The following KREMEN1 variants were observed in gnomAD, a reference collection of about 807,000 sequenced individuals.
KREMEN1 encodes kringle containing transmembrane protein 1.
Under a neutral mutation model 46.5 loss-of-function variants are expected in KREMEN1, and 30 were observed. The observed-to-expected ratio is 0.65, with a 90% confidence interval of 0.48 to 0.88. The LOEUF is 0.88. KREMEN1 is among the 40% of genes least tolerant of loss of function. The probability of loss-of-function intolerance (pLI) is 0.00; values close to 1 mark genes in which losing one functional copy is unlikely to be tolerated. For missense variants in KREMEN1, 533 were observed against 596.9 expected (o/e 0.89, Z 1.11); for synonymous variants, 214 against 230.6 (o/e 0.93, Z 0.65).
Position 29,143,934 on chromosome 22 carries a change from C to G in KREMEN1, c.*1822C>G. On this transcript the variant is annotated 3_prime_UTR_variant, in exon 9 of 9. Coordinates refer to ENST00000400335, the MANE Select transcript of KREMEN1 (RefSeq NM_001039570.3). ...AGGGTGGGTTTGGGAATTGGAGCTCCTCCAAGGAGCTCCTCCTAAGATTGA... is the reference window on the plus strand; with the variant it reads ...AGGGTGGGTTTGGGAATTGGAGCTCGTCCAAGGAGCTCCTCCTAAGATTGA... 1 of 985,352 alleles carries G rather than the reference C, an allele frequency of 1.0e-6. No homozygotes were observed. Among genetic ancestry groups the G allele is most frequent in the Non-Finnish European group, 1.2e-6 (1 of 829,872 alleles). The allele number at this position is 985,352 out of a possible 1,614,324, so 61.0% of individuals were successfully genotyped here.
chr22:29,146,065 GTCT>G lies in KREMEN1; in HGVS notation c.*3954_*3956del, dbSNP rs1194352224. 38 of 985,778 alleles carry G rather than the reference GTCT, an allele frequency of 3.9e-5. No homozygotes were observed. Among genetic ancestry groups the G allele is most frequent in the Non-Finnish European group, 4.5e-5 (37 of 830,034 alleles). 61.1% of individuals were successfully genotyped at this position (985,778 alleles called of 1,614,324 possible). A position where few individuals can be genotyped will look rare whatever the true frequency, so the allele number is the denominator to read the frequency against. Reference sequence around the variant, plus strand: ...TGGCCTCCGAGACCCTGCCTCCCTGGTCTGCTGAGGTCAGGCCAGGTCTCCCAC... The same window carrying G: ...TGGCCTCCGAGACCCTGCCTCCCTGGGCTGAGGTCAGGCCAGGTCTCCCAC... On this transcript the variant is annotated 3_prime_UTR_variant, in exon 9 of 9. Transcript: ENST00000400335.
At position 29,115,278 on chromosome 22, in the gene KREMEN1, CAG is replaced by C. The variant is rs146252464; in HGVS notation, c.353-6078_353-6077del. 8.7e-3 allele frequency among the ~76,000 whole-genome samples: 1,320 copies of C among 152,214 alleles called. 14 individuals carry two copies. Among genetic ancestry groups the C allele is most frequent in the African/African-American group, 0.03 (1,257 of 41,524 alleles). ...AATGACACAGTGGACTTTGAGGACTCAGGGGGAAAAGGTGGGAACGGGGTGAG... is the reference window on the plus strand; with the variant it reads ...AATGACACAGTGGACTTTGAGGACTCGGGGAAAAGGTGGGAACGGGGTGAG... On this transcript the variant is annotated intron_variant, in intron 3 of 8. Coordinates refer to ENST00000400335, the MANE Select transcript of KREMEN1 (RefSeq NM_001039570.3).
chr22:29,165,105 G>A (rs901674098), intron 9 of KREMEN1, among the ~76,000 whole-genome samples: 2 of 151,580 alleles, frequency 1.3e-5, no homozygotes, highest in African/African-American at 2.4e-5. Context: ...CCTGGGAGGT[G>A]GAGGTTGCTG....
rs1445663456 is a variant in KREMEN1, at chr22:29,137,504, A to G, written c.794A>G (p.Asp265Gly). 1 of 1,610,756 alleles carries G rather than the reference A, an allele frequency of 6.2e-7. No individual in the cohort carries two copies. The highest frequency in any genetic ancestry group is 2.2e-5 in the East Asian group (1 of 44,720). ...AGCTTCCCCCTATTTGACATCAGGG[A>G]CTCGGCGGACATGGTGGAGCTTCTG... is the stretch of plus-strand genomic sequence containing the variant. ...HFSFPLFDIRDSADMVELLDG... is the reference protein window; with the variant it reads ...HFSFPLFDIRGSADMVELLDG... Residue 265 changes from aspartate (D) to glycine (G), a missense_variant, in exon 6 of 9, where the codon GAC (aspartate) becomes GGC (glycine). By Grantham distance (94) the Asp-to-Gly change is moderately conservative. Transcript: ENST00000400335.
At chr22:29,147,726 G>A (rs2038883172), downstream of KREMEN1, among the ~76,000 whole-genome samples, 1 of 152,224 alleles carries the variant, frequency 6.6e-6, no homozygotes, top group Non-Finnish European at 1.5e-5. Flanking sequence ...CCAGCCAGGA[G>A]ATGCTGAGGG....
chr22:29,163,540 C>T (rs1195605884), intron 9 of KREMEN1, among the ~76,000 whole-genome samples: 5 of 152,030 alleles, frequency 3.3e-5, no homozygotes, highest in Non-Finnish European at 7.4e-5. Flanking sequence ...CCACGCCCAG[C>T]TAATTTTTGT....
chr22:29,083,205 G>A (rs134623), intron 1 of KREMEN1, among the ~76,000 whole-genome samples: 97,332 of 152,120 alleles, frequency 0.64, 31,347 homozygotes, highest in Middle Eastern at 0.78. Context: ...ATTTATTTGT[G>A]CTCACATATT....
intron 5 of KREMEN1, among the ~76,000 whole-genome samples, chr22:29,136,240 T>A (rs2038654261): frequency 6.7e-6 from 1 of 149,442 alleles, no homozygotes; most frequent in African/African-American, 2.4e-5. Flanking sequence ...GTTTTCTACA[T>A]CCTAAAGGGA....
chr22:29,118,635 A>G, intron 3 of KREMEN1, among the ~76,000 whole-genome samples: 1 of 152,088 alleles, frequency 6.6e-6, no homozygotes, highest in Non-Finnish European at 1.5e-5. Flanking sequence ...CAGTGATTCC[A>G]TCATGGGGGC....
chr22:29,133,412 T>A lies in KREMEN1; in HGVS notation c.632-3930T>A, dbSNP rs187373490. On this transcript the variant is annotated intron_variant, in intron 5 of 8. Transcript: ENST00000400335. The stretch of plus-strand genomic sequence containing the variant: ...CCCCCCTGGGCTCAAGCAATCCTCC[T>A]GCCTTAGCCTCCTGAGTAGCTGGGA... Among the ~76,000 whole-genome samples the A allele has an allele frequency of 3.8e-3, 582 of 152,140 alleles. 5 individuals are homozygous for A. Among genetic ancestry groups the A allele is most frequent in the African/African-American group, 0.013 (521 of 41,528 alleles).
intron 1 of KREMEN1, among the ~76,000 whole-genome samples, chr22:29,084,318 A>G (rs1471340055): frequency 1.5e-5 from 1 of 68,454 alleles, no homozygotes; most frequent in Admixed American, 1.1e-4. Context: ...TGTGACTAAG[A>G]ATGCCTAAAC....
chr22:29,119,082 T>C (rs1326913210), intron 3 of KREMEN1, among the ~76,000 whole-genome samples: 1 of 152,162 alleles, frequency 6.6e-6, no homozygotes, highest in Non-Finnish European at 1.5e-5. Context: ...GCATGGTGGC[T>C]CACACCTGTA....
chr22:29,082,454 T>C (rs1431379739), intron 1 of KREMEN1, among the ~76,000 whole-genome samples: 1 of 152,222 alleles, frequency 6.6e-6, no homozygotes, highest in Non-Finnish European at 1.5e-5. Flanking sequence ...ACATGAACTT[T>C]CCTAGAACTT....
chr22:29,155,883 C>T (rs894173901), intron 9 of KREMEN1, among the ~76,000 whole-genome samples: 4 of 151,690 alleles, frequency 2.6e-5, no homozygotes, highest in Non-Finnish European at 5.9e-5. Context: ...CACTTGAACC[C>T]AGGAAGCAGA....
chr22:29,123,518 G>A (rs181642571), intron 4 of KREMEN1, among the ~76,000 whole-genome samples: 179 of 152,308 alleles, frequency 1.2e-3, no homozygotes, highest in Non-Finnish European at 2.0e-3. Context: ...TCATCTGGGC[G>A]TGGTGGCTCA....
intron 3 of KREMEN1, among the ~76,000 whole-genome samples, chr22:29,119,677 G>A (rs913181508): frequency 7.9e-5 from 12 of 152,328 alleles, no homozygotes; most frequent in Admixed American, 7.8e-4. Context: ...ATCTTTGAAA[G>A]CTGTCTACCA....
At chr22:29,141,390 G>C (rs536287119) in intron 8 of KREMEN1, among the ~76,000 whole-genome samples, 3 of 152,214 alleles carry the variant, frequency 2.0e-5, no homozygotes, top group Non-Finnish European at 4.4e-5. Context: ...CCCTGTGGCA[G>C]CAAGAGAGCC....
At chr22:29,147,236 C>G (rs1286633933), downstream of KREMEN1, among the ~76,000 whole-genome samples, 1 of 152,136 alleles carries the variant, frequency 6.6e-6, no homozygotes, top group Non-Finnish European at 1.5e-5. Context: ...CTCTAAAGTG[C>G]TTATGTAATT....
At chr22:29,078,006 G>A (rs2037598801) in intron 1 of KREMEN1, among the ~76,000 whole-genome samples, 1 of 152,126 alleles carries the variant, frequency 6.6e-6, no homozygotes, top group South Asian at 2.1e-4. Flanking sequence ...AATCCCAGCA[G>A]TTTGGAAGGC....
Sources: allele counts gnomAD v4.1 joint callset (sites outside exome capture counted in the v4.1 genomes callset), GRCh38; gene constraint gnomAD v4.1.1; transcripts MANE v1.5; gene names NCBI Gene and HGNC (gene_info 2026-07-23, HGNC 2026-07-21).